Variants in DNAJB1 observed in about 807,000 individuals in gnomAD.
DNAJB1 encodes the protein dnaJ homolog subfamily B member 1.
DNAJB1 carries 14 observed loss-of-function variants against 24.0 expected under a neutral mutation model. The ratio of observed to expected loss-of-function variants is 0.58; its 90% CI spans 0.39 to 0.91. The LOEUF is 0.91. DNAJB1 is among the 40% of genes least tolerant of loss of function. The pLI, the probability that DNAJB1 is intolerant of heterozygous loss-of-function variation, is 0.00. For synonymous variants in DNAJB1, 262 were observed against 174.4 expected, an observed-to-expected ratio of 1.50 and a Z score of -3.96; for missense variants, 517 against 458.1, an observed-to-expected ratio of 1.13 and a Z score of -1.17.
In DNAJB1 at chr19:14,518,339, T is replaced by C. The variant is rs2072314670; in HGVS notation, c.11A>G (p.Asp4Gly). 6.3e-7 allele frequency: 1 copy of C among 1,576,152 alleles called. No homozygotes were observed. The highest frequency in any genetic ancestry group is 8.6e-7 in the Non-Finnish European group (1 of 1,168,542). The change falls in exon 1 of 3, where the codon GAC becomes GGC. Residue 4 changes from aspartate to glycine, a missense_variant. Coordinates refer to ENST00000254322, the MANE Select transcript of DNAJB1 (RefSeq NM_006145.3). ...GGCCAGGCCCAACGTCTGGTAGTAG[T>C]CTTTACCCATGACCCCCTCCTGCGG... MGKDYYQTLGLARG... is the reference protein window; with the variant it reads MGKGYYQTLGLARG...
At chr19:14,532,456 T>C (rs7253780), upstream of DNAJB1, 81,509 of 145,444 alleles carry the variant, frequency 0.56, 24,368 homozygotes, top group African/African-American at 0.79. Context: ...GAGGTTGCAG[T>C]GAGCTGAGAT....
In DNAJB1 at chr19:14,535,475, C is replaced by G. The variant is rs542140441; in HGVS notation, c.-213-7665G>C. On this transcript the variant is annotated intron_variant, in intron 1 of 3. Transcript: ENST00000676982. ...TGAGCCGAGATCGCGCCACTGCACT[C>G]CAGCCTGGGCGACAGAGCGAGACTC... Among the ~76,000 whole-genome samples the G allele has an allele frequency of 5.0e-3, 606 of 122,332 alleles. 21 individuals carry two copies. Among genetic ancestry groups the G allele is most frequent in the Admixed American group, 0.048 (495 of 10,396 alleles). The allele number at this position is 122,332 out of a possible 152,430, so 80.3% of individuals were successfully genotyped here.
intron 2 of DNAJB1, among the ~76,000 whole-genome samples, chr19:14,526,849 C>T (rs543476627): frequency 8.5e-5 from 13 of 152,232 alleles, no homozygotes; most frequent in Admixed American, 3.3e-4. Flanking sequence ...AGGGTTTCAA[C>T]CCTATCCCCA....
upstream of DNAJB1, among the ~76,000 whole-genome samples, chr19:14,553,656 G>A (rs192914183): frequency 1.3e-5 from 2 of 152,270 alleles, no homozygotes; most frequent in South Asian, 2.1e-4. Context: ...GGGCTGAGCC[G>A]CTGAGCCGGA....
At chr19:14,528,869 G>A (rs1469735314) in intron 1 of DNAJB1, among the ~76,000 whole-genome samples, 2 of 152,128 alleles carry the variant, frequency 1.3e-5, no homozygotes, top group Non-Finnish European at 2.9e-5. Flanking sequence ...GCTTGAACCC[G>A]GGAGGCGGAG....
At position 14,558,496 on chromosome 19, in the gene DNAJB1, C is replaced by T. The variant is rs563654824; in HGVS notation, c.-2166+1535G>A. ...TCGTGCTGCGACGAGTTGCTGTTGG[C>T]TGGGCCCCGGGAATCTTGGGCCTCC... On this transcript the variant is annotated intron_variant, in intron 1 of 5. Transcript: ENST00000679223. Among the ~76,000 whole-genome samples, 9 of 152,300 alleles carry T rather than the reference C, an allele frequency of 5.9e-5. No homozygotes were observed. In the South Asian group the frequency reaches 1.9e-3, roughly 32 times the overall value.
chr19:14,530,514 G>C (rs2072598338), upstream of DNAJB1: 1 of 152,174 alleles, frequency 6.6e-6, no homozygotes, highest in African/African-American at 2.4e-5. Context: ...TAACAATTTA[G>C]CAAGTGCTTA....
upstream of DNAJB1, among the ~76,000 whole-genome samples, chr19:14,521,287 C>G (rs1047561774): frequency 2.6e-5 from 4 of 151,732 alleles, no homozygotes; most frequent in Admixed American, 1.3e-4. Flanking sequence ...GGTGAAACCC[C>G]GTCTCTACTA....
At chr19:14,534,489 G>A (rs1203705214), upstream of DNAJB1, among the ~76,000 whole-genome samples, 3 of 126,658 alleles carry the variant, frequency 2.4e-5, no homozygotes, top group Non-Finnish European at 4.7e-5. Flanking sequence ...AGGCTGGAGT[G>A]CAGTGATGTG....
chr19:14,517,389 G>A lies in DNAJB1; in HGVS notation c.212-343C>T, dbSNP rs916366077. On this transcript the variant is annotated intron_variant, in intron 1 of 2. Coordinates refer to ENST00000254322, the MANE Select transcript of DNAJB1 (RefSeq NM_006145.3). ...ATGGTCCAGGGTCGGCTTTCGGTAA[G>A]TGTTTACTCTCAACGTTTTAGGGCT... 30 of 237,346 alleles carry A rather than the reference G, an allele frequency of 1.3e-4. No homozygotes were observed. The Admixed American group carries it at 1.4e-3, about 11-fold the overall frequency. The allele number at this position is 237,346 out of a possible 1,614,324, so 14.7% of individuals were successfully genotyped here. A position where few individuals can be genotyped will look rare whatever the true frequency, so the allele number is the denominator to read the frequency against.
chr19:14,534,052 T>G (rs1236207470), upstream of DNAJB1: 1 of 152,108 alleles, frequency 6.6e-6, no homozygotes, highest in Non-Finnish European at 1.5e-5. Context: ...TCCAGGTCAC[T>G]GCCCATTTCC....
chr19:14,547,497 A>T (rs2146592757), intron 1 of DNAJB1, among the ~76,000 whole-genome samples: 1 of 152,196 alleles, frequency 6.6e-6, no homozygotes, highest in East Asian at 1.9e-4. Flanking sequence ...AGTAGCTGGG[A>T]CTACAGGCAT....
chr19:14,517,170 A>G, intron 1 of DNAJB1, 124 bp from the exon 2 acceptor site: 1 of 974,676 alleles, frequency 1.0e-6, no homozygotes, highest in Middle Eastern at 2.2e-4. Context: ...AGGGGAGAGC[A>G]AGGAAGAACC....
chr19:14,529,680 C>A, upstream of DNAJB1: 1 of 1,613,910 alleles, frequency 6.2e-7, no homozygotes, highest in Non-Finnish European at 8.5e-7. Context: ...GAGCAGTAGC[C>A]GCCGTGGGAG....
chr19:14,515,836 T>TC lies in DNAJB1; in HGVS notation c.*103dup. 1 of 1,110,190 alleles carries TC rather than the reference T, an allele frequency of 9.0e-7. No homozygotes were observed. The highest frequency in any genetic ancestry group is 1.3e-6 in the Non-Finnish European group (1 of 757,226). 68.8% of individuals were successfully genotyped at this position (1,110,190 alleles called of 1,614,324 possible). A position where few individuals can be genotyped will look rare whatever the true frequency, so the allele number is the denominator to read the frequency against. On this transcript the variant is annotated 3_prime_UTR_variant, in exon 3 of 3. Coordinates refer to ENST00000254322, the MANE Select transcript of DNAJB1 (RefSeq NM_006145.3). ...AAAACATTCAGCAGTACGAAAGCCCTCCCTGGGCCCTCCCACCCTCTCATG... is the reference window on the plus strand; with the variant it reads ...AAAACATTCAGCAGTACGAAAGCCCTCCCCTGGGCCCTCCCACCCTCTCATG...
At chr19:14,541,307 C>T (rs60066737) in intron 1 of DNAJB1, among the ~76,000 whole-genome samples, 29,832 of 151,998 alleles carry the variant, frequency 0.2, 3,185 homozygotes, top group South Asian at 0.33. Flanking sequence ...CTCTTGGCCA[C>T]AAGCCCTGGG....
At chr19:14,535,534 A>AT (rs2072843294) in intron 1 of DNAJB1, among the ~76,000 whole-genome samples, 1 of 61,882 alleles carries the variant, frequency 1.6e-5, no homozygotes, top group African/African-American at 8.1e-5. Flanking sequence ...AAAAAAAAAA[A>AT]AAAAAAAAAA....
At chr19:14,551,201 T>C (rs990815208), upstream of DNAJB1, among the ~76,000 whole-genome samples, 3 of 151,756 alleles carry the variant, frequency 2.0e-5, no homozygotes, top group Admixed American at 6.6e-5. Context: ...GGCTCCTGAG[T>C]AGCTGGGATT....
upstream of DNAJB1, among the ~76,000 whole-genome samples, chr19:14,551,327 G>A (rs1305613469): frequency 2.0e-5 from 3 of 152,022 alleles, no homozygotes; most frequent in African/African-American, 4.8e-5. Flanking sequence ...CACCCACCTC[G>A]GCCTCCCAGA....
Sources: gnomAD v4.1 joint callset for allele counts (sites outside exome capture counted in the v4.1 genomes callset) on GRCh38, gnomAD v4.1.1 for gene constraint, MANE v1.5 for transcripts, NCBI Gene and HGNC (gene_info 2026-07-23, HGNC 2026-07-21) for gene names.